Variants in SH3RF3 observed in about 807,000 individuals in gnomAD.
SH3RF3 encodes SH3 domain containing ring finger 3.
SH3RF3 carries 29 observed loss-of-function variants against 66.3 expected under a neutral mutation model. The observed-to-expected ratio is 0.44, with a 90% CI of 0.33 to 0.60. The LOEUF is 0.60. SH3RF3 is among the 20% of genes least tolerant of loss of function. The pLI is 0.04. For missense variants in SH3RF3, 1,194 were observed against 1,190.9 expected (o/e 1.00, Z -0.04); for synonymous variants, 583 against 532.0 (o/e 1.10, Z -1.32).
chr2:109,251,562 G>C (rs1680092539), intron 1 of SH3RF3: 2 of 799,590 alleles, frequency 2.5e-6, no homozygotes, highest in African/African-American at 3.4e-5. Flanking sequence ...AATGTGTGGA[G>C]ATGGCGACTG....
chr2:109,203,577 C>T (rs1678736346), intron 1 of SH3RF3, among the ~76,000 whole-genome samples: 1 of 152,152 alleles, frequency 6.6e-6, no homozygotes, highest in South Asian at 2.1e-4. Context: ...GTGGTTCGTC[C>T]AGCTCTCTGG....
At chr2:109,306,814 T>A (rs1201960226) in intron 1 of SH3RF3, among the ~76,000 whole-genome samples, 1 of 152,188 alleles carries the variant, frequency 6.6e-6, no homozygotes, top group African/African-American at 2.4e-5. Flanking sequence ...TGATTACGTA[T>A]TTCCTAGGTT....
At position 109,158,564 on chromosome 2, in the gene SH3RF3, T is replaced by C. The variant is rs1677408796; in HGVS notation, c.573+28451T>C. Among the ~76,000 whole-genome samples the C allele has an allele frequency of 3.9e-5, 6 of 152,170 alleles. No individual in the cohort carries two copies. The South Asian group carries it at 1.2e-3, about 31-fold the overall frequency. On this transcript the variant is annotated intron_variant, in intron 1 of 9. Transcript: ENST00000309415. ...CAGAGGCGCTCAGGGCTGTCTGACT[T>C]GCAGACAGAGGGTCTTCACCTCGCT...
intron 1 of SH3RF3, among the ~76,000 whole-genome samples, chr2:109,244,876 A>C (rs1679876419): frequency 6.6e-6 from 1 of 152,188 alleles, no homozygotes; most frequent in African/African-American, 2.4e-5. Flanking sequence ...TGCCATCGTC[A>C]TATTCTGCAG....
chr2:109,141,774 G>C (rs561550917), intron 1 of SH3RF3, among the ~76,000 whole-genome samples: 6 of 152,190 alleles, frequency 3.9e-5, no homozygotes, highest in Non-Finnish European at 8.8e-5. Flanking sequence ...TCAACAGGAG[G>C]GGGTACTGGT....
intron 1 of SH3RF3, among the ~76,000 whole-genome samples, chr2:109,232,779 C>T (rs1679544084): frequency 6.6e-6 from 1 of 152,048 alleles, no homozygotes; most frequent in South Asian, 2.1e-4. Flanking sequence ...TTAAAGGGTC[C>T]CCTAAACACA....
chr2:109,297,066 G>A (rs1681329394), intron 1 of SH3RF3, among the ~76,000 whole-genome samples: 1 of 152,068 alleles, frequency 6.6e-6, no homozygotes, highest in Non-Finnish European at 1.5e-5. Flanking sequence ...CTAGACTGCA[G>A]CTGTTGGTCC....
chr2:109,238,768 G>A (rs1427958419), intron 1 of SH3RF3, among the ~76,000 whole-genome samples: 1 of 152,104 alleles, frequency 6.6e-6, no homozygotes, highest in East Asian at 1.9e-4. Context: ...ATCCTCTGTG[G>A]CTCTTGCAAT....
intron 8 of SH3RF3, among the ~76,000 whole-genome samples, chr2:109,450,859 G>T (rs1677847608): frequency 1.3e-5 from 2 of 152,232 alleles, no homozygotes; most frequent in South Asian, 4.1e-4. Flanking sequence ...TGATTCTGCA[G>T]ATCTTTTGAC....
chr2:109,281,244 G>A (rs1213983449), intron 1 of SH3RF3, among the ~76,000 whole-genome samples: 4 of 152,244 alleles, frequency 2.6e-5, no homozygotes, highest in African/African-American at 9.6e-5. Flanking sequence ...ACACTTAGGG[G>A]CACAAACACA....
chr2:109,360,763 A>G (rs891291077), intron 2 of SH3RF3, among the ~76,000 whole-genome samples: 2 of 152,246 alleles, frequency 1.3e-5, no homozygotes, highest in African/African-American at 4.8e-5. Flanking sequence ...TCATCTGTAA[A>G]CAAAGGCAGT....
At chr2:109,199,647 T>C (rs1574499957) in intron 1 of SH3RF3, among the ~76,000 whole-genome samples, 1 of 22 alleles carries the variant, frequency 0.045, no homozygotes, top group Admixed American at 0.17. Context: ...TGGAATGGAA[T>C]GGAATGGAAT....
chr2:109,214,725 G>A (rs954143340), intron 1 of SH3RF3, among the ~76,000 whole-genome samples: 1 of 152,208 alleles, frequency 6.6e-6, no homozygotes, highest in Non-Finnish European at 1.5e-5. Flanking sequence ...CACTCCAGCT[G>A]CAACTCTGGT....
At chr2:109,411,814 C>T (rs778543986) in intron 4 of SH3RF3, among the ~76,000 whole-genome samples, 10 of 152,228 alleles carry the variant, frequency 6.6e-5, no homozygotes, top group Non-Finnish European at 1.3e-4. Context: ...CATCTGACCT[C>T]TCTCTGCTCT....
chr2:109,235,580 T>G (rs1178600757), intron 1 of SH3RF3, among the ~76,000 whole-genome samples: 2 of 152,198 alleles, frequency 1.3e-5, no homozygotes, highest in African/African-American at 4.8e-5. Context: ...TCTCCTGGGT[T>G]TGAGAGATGC....
intron 8 of SH3RF3, among the ~76,000 whole-genome samples, chr2:109,470,755 G>A (rs1678482202): frequency 1.3e-5 from 2 of 152,240 alleles, no homozygotes; most frequent in African/African-American, 4.8e-5. Context: ...CCTCGGCTCA[G>A]CCACCCCTGT....
intron 2 of SH3RF3, among the ~76,000 whole-genome samples, chr2:109,362,292 T>A (rs1331960546): frequency 2.0e-5 from 3 of 152,232 alleles, no homozygotes; most frequent in Non-Finnish European, 2.9e-5. Flanking sequence ...AAATATTTTT[T>A]AAATTTCTCT....
chr2:109,408,718 C>T (rs1403820378), intron 4 of SH3RF3, among the ~76,000 whole-genome samples: 1 of 152,250 alleles, frequency 6.6e-6, no homozygotes, highest in Middle Eastern at 3.2e-3. Flanking sequence ...TTTCAAAGTC[C>T]ACCCCTCCTG....
Position 109,388,645 on chromosome 2 carries a change from T to C in SH3RF3, c.946-9945T>C, listed in dbSNP as rs574586372. On this transcript the variant is annotated intron_variant, in intron 3 of 9. Transcript: ENST00000309415. ...CTGCATTCATTCAAACACCTATGCA[T>C]GGAATAGGTGTTTATCGAGCATGTA... Among the ~76,000 whole-genome samples, 4 of 152,310 alleles carry C rather than the reference T, an allele frequency of 2.6e-5. No individual in the cohort carries two copies. The East Asian group carries it at 7.7e-4, about 29-fold the overall frequency.
Sources: allele counts gnomAD v4.1 joint callset (sites outside exome capture counted in the v4.1 genomes callset), GRCh38; gene constraint gnomAD v4.1.1; transcripts MANE v1.5; gene names NCBI Gene and HGNC (gene_info 2026-07-23, HGNC 2026-07-21).